CCDC30: variants seen among roughly 807,000 people sequenced by gnomAD.
CCDC30 encodes the protein coiled-coil domain containing 30, also known as coiled-coil domain-containing protein 30.
A neutral mutation model predicts 100.2 loss-of-function variants in CCDC30; 70 were observed. The ratio of observed to expected loss-of-function variants is 0.70; its 90% CI spans 0.58 to 0.85. The LOEUF (loss-of-function observed/expected upper bound fraction) is 0.85. CCDC30 is among the 40% of genes least tolerant of loss of function. The probability of loss-of-function intolerance (pLI) is 0.00; values close to 1 mark genes in which losing one functional copy is unlikely to be tolerated. For missense variants in CCDC30, 652 were observed against 771.2 expected (o/e 0.85, Z 1.83); for synonymous variants, 233 against 269.5 (o/e 0.86, Z 1.33).
exon 8 of CCDC30, chr1:42,577,125 C>T (rs1645855947): frequency 1.9e-6 from 3 of 1,613,886 alleles, no homozygotes; most frequent in African/African-American, 2.7e-5. Context: ...AATCAAGGAA[C>T]TGGAGTTGGA....
At chr1:42,473,196 A>G in intron 1 of CCDC30, 2 of 1,231,298 alleles carry the variant, frequency 1.6e-6, no homozygotes, top group Non-Finnish European at 2.0e-6. Context: ...CTACAGAAGA[A>G]CAACTCTGTT....
chr1:42,596,799 C>T lies in CCDC30; in HGVS notation c.1164+7316C>T, dbSNP rs1646297972. On this transcript the variant is annotated intron_variant, in intron 10 of 16. Coordinates refer to ENST00000668663, the Ensembl canonical transcript of CCDC30. This position sits in a 1 kb window ranked among gnomAD's most constrained non-coding sequence, Gnocchi z 4.3. ...AGACAGAGCAAGCATTAGAACCAGG[C>T]TCAGATACAGCAGGAATATTGAAAT... Among the ~76,000 whole-genome samples, 1 of 151,994 alleles carries T rather than the reference C, an allele frequency of 6.6e-6. No individual in the cohort carries two copies. The highest frequency in any genetic ancestry group is 6.6e-5 in the Admixed American group (1 of 15,236).
rs187262280 is a variant in CCDC30 at position 42,483,862 on chromosome 1, T to C, written c.169+1046T>C. Among the ~76,000 whole-genome samples the C allele has an allele frequency of 5.2e-3, 785 of 152,260 alleles. 8 individuals are homozygous for C. The highest frequency in any genetic ancestry group is 0.018 in the African/African-American group (758 of 41,566). On this transcript the variant is annotated intron_variant, in intron 3 of 16. Coordinates refer to ENST00000668663, the Ensembl canonical transcript of CCDC30. ...ATTCTTTATGCTTTCTGAGTTTTCA[T>C]GTTTAAAGCCTTTTCTTCACTACAA...
At chr1:42,583,794 G>C (rs1570147470) in intron 9 of CCDC30, among the ~76,000 whole-genome samples, 1 of 152,326 alleles carries the variant, frequency 6.6e-6, no homozygotes, top group African/African-American at 2.4e-5. Context: ...TCTTATGCTA[G>C]AGCTTGAAGT....
chr1:42,510,841 C>T (rs1557815741), intron 6 of CCDC30, among the ~76,000 whole-genome samples: 1 of 151,814 alleles, frequency 6.6e-6, no homozygotes, highest in East Asian at 1.9e-4. Flanking sequence ...GAATCATTCT[C>T]TGTAGGTCGC....
chr1:42,461,799 C>G (rs1643420244), upstream of CCDC30, among the ~76,000 whole-genome samples: 1 of 152,122 alleles, frequency 6.6e-6, no homozygotes, highest in Non-Finnish European at 1.5e-5. Flanking sequence ...CCCGCCCCGG[C>G]CTTCCAAAGT....
At chr1:42,490,188 T>C (rs1421813030) in exon 4 of CCDC30, 4 of 1,208,756 alleles carry the variant, frequency 3.3e-6, no homozygotes, top group African/African-American at 1.6e-5. Context: ...CAACTAGAAA[T>C]TGACAAATTG....
intron 7 of CCDC30, among the ~76,000 whole-genome samples, chr1:42,575,845 A>G (rs1262035102): frequency 6.6e-6 from 1 of 152,150 alleles, no homozygotes; most frequent in Non-Finnish European, 1.5e-5. Context: ...TGCCCCCTGC[A>G]AAGTGACATT....
intron 6 of CCDC30, among the ~76,000 whole-genome samples, chr1:42,554,275 CTTT>C (rs1286952607): frequency 1.5e-5 from 2 of 131,218 alleles, no homozygotes. Context: ...TTTATGGCTT[CTTT>C]TTTTTTTTTT....
chr1:42,540,482 T>A (rs183320520), intron 6 of CCDC30, among the ~76,000 whole-genome samples: 292 of 152,260 alleles, frequency 1.9e-3, no homozygotes, highest in African/African-American at 6.6e-3. Flanking sequence ...GAGATCCAGA[T>A]CTGCTCTTCT....
At chr1:42,456,551 G>A in the CCDC30 span, 2 of 1,454,868 alleles carry the variant, frequency 1.4e-6, no homozygotes, top group South Asian at 1.4e-5. Flanking sequence ...GCAGGCGCCG[G>A]CCGCTGCGCT....
At chr1:42,606,556 A>G (rs1484325930) in intron 10 of CCDC30, among the ~76,000 whole-genome samples, 26 of 152,194 alleles carry the variant, frequency 1.7e-4, no homozygotes, top group Admixed American at 1.7e-3. Flanking sequence ...ACATGTTGCA[A>G]GTATCCTCTT....
At chr1:42,584,515 C>CTA (rs1232928101) in intron 9 of CCDC30, among the ~76,000 whole-genome samples, 2 of 152,138 alleles carry the variant, frequency 1.3e-5, no homozygotes, top group African/African-American at 4.8e-5. Flanking sequence ...ATTGCTTAAA[C>CTA]CCAGGAGGCA....
chr1:42,510,906 G>C (rs1644468057), intron 6 of CCDC30, among the ~76,000 whole-genome samples: 1 of 151,956 alleles, frequency 6.6e-6, no homozygotes, highest in African/African-American at 2.4e-5. Context: ...TGAAGATCTA[G>C]TAAAAAGGCC....
chr1:42,604,353 G>A (rs1171849983), intron 10 of CCDC30, among the ~76,000 whole-genome samples: 1 of 152,192 alleles, frequency 6.6e-6, no homozygotes, highest in Non-Finnish European at 1.5e-5. Flanking sequence ...AATCTAAAGA[G>A]GCAACTCCAA....
At chr1:42,572,680 G>A (rs754089816) in intron 7 of CCDC30, among the ~76,000 whole-genome samples, 27 of 152,142 alleles carry the variant, frequency 1.8e-4, no homozygotes, top group Admixed American at 1.1e-3. Flanking sequence ...ACAGTGGCAT[G>A]ATCTTGGCCC....
At chr1:42,545,217 TAA>T (rs55876180) in intron 6 of CCDC30, among the ~76,000 whole-genome samples, 191 bp from the exon 9 acceptor site, 2 of 115,592 alleles carry the variant, frequency 1.7e-5, no homozygotes, top group Non-Finnish European at 3.8e-5. Flanking sequence ...ATGCCTATGG[TAA>T]AAAAAAAATC....
At chr1:42,580,071 A>G (rs1645930869) in intron 8 of CCDC30, among the ~76,000 whole-genome samples, 1 of 152,214 alleles carries the variant, frequency 6.6e-6, no homozygotes, top group South Asian at 2.1e-4. Context: ...GGCTTCAAGT[A>G]TTGGAAATGT....
the CCDC30 span, chr1:42,456,760 C>A: frequency 6.2e-7 from 1 of 1,611,960 alleles, no homozygotes; most frequent in South Asian, 1.1e-5. Context: ...GCGGGCGGCG[C>A]GGTGCAACCT....
Sources: gnomAD v4.1 joint callset for allele counts (sites outside exome capture counted in the v4.1 genomes callset) on GRCh38, gnomAD v4.1.1 for gene constraint, Gnocchi (gnomAD v3.1) non-coding constraint, MANE v1.5 for transcripts, NCBI Gene and HGNC (gene_info 2026-07-23, HGNC 2026-07-21) for gene names.